The following XKR9 variants were observed in gnomAD, a reference collection of about 807,000 sequenced individuals.
XKR9 encodes XK-related protein 9.
In XKR9, 32 loss-of-function variants were observed where a neutral mutation model predicts 32.0. That is an observed-to-expected ratio of 1.00 (90% CI 0.76 to 1.34). XKR9 has a LOEUF of 1.34. Among genes scored for constraint, XKR9 ranks in the 40% most tolerant of loss-of-function variants. The probability of loss-of-function intolerance (pLI) is 0.00; values close to 1 mark genes in which losing one functional copy is unlikely to be tolerated. For missense variants in XKR9, 546 were observed against 429.7 expected, an observed-to-expected ratio of 1.27 and a Z score of -2.39; for synonymous variants, 168 against 143.4, an observed-to-expected ratio of 1.17 and a Z score of -1.22.
the XKR9 span, among the ~76,000 whole-genome samples, chr8:70,895,884 C>T: frequency 6.6e-6 from 1 of 151,628 alleles, no homozygotes; most frequent in East Asian, 1.9e-4. Context: ...TGTAATAGTC[C>T]CAACCACTGG....
chr8:70,996,390 G>A, the XKR9 span, among the ~76,000 whole-genome samples: 6 of 152,132 alleles, frequency 3.9e-5, no homozygotes. Context: ...TAGGTTTCAG[G>A]TGTGAAATGA....
At position 70,669,371 on chromosome 8, in the gene XKR9, G is replaced by A. The variant is rs1818611370; in HGVS notation, c.-528G>A. ...ACGTGACGCCGCGCGGGCTGCGCGG[G>A]CAGTGGTGGGAAGGCTGGCGCGAGG... is the stretch of plus-strand genomic sequence containing the variant. On this transcript the variant is annotated 5_prime_UTR_variant, in exon 1 of 5. Transcript: ENST00000408926. 4.1e-6 allele frequency: 2 copies of A among 483,776 alleles called. No individual in the cohort carries two copies. The highest frequency in any genetic ancestry group is 7.3e-6 in the Non-Finnish European group (2 of 272,362). The allele number at this position is 483,776 out of a possible 1,614,324, so 30.0% of individuals were successfully genotyped here.
chr8:70,697,212 A>T (rs1181738310), intron 3 of XKR9, among the ~76,000 whole-genome samples: 1 of 151,660 alleles, frequency 6.6e-6, no homozygotes, highest in Non-Finnish European at 1.5e-5. Flanking sequence ...CAGAACTTCC[A>T]ACACTATGTT....
At chr8:70,933,013 C>T in the XKR9 span, among the ~76,000 whole-genome samples, 1 of 152,050 alleles carries the variant, frequency 6.6e-6, no homozygotes, top group African/African-American at 2.4e-5. Flanking sequence ...AAGTGTGTCC[C>T]TCAAATGGGA....
chr8:70,966,298 G>T, the XKR9 span, among the ~76,000 whole-genome samples: 108 of 152,040 alleles, frequency 7.1e-4, no homozygotes, highest in Non-Finnish European at 8.5e-4. Context: ...ACCCAGGCTG[G>T]GGTTCAGTGG....
the XKR9 span, among the ~76,000 whole-genome samples, chr8:70,874,887 T>C: frequency 1.3e-5 from 2 of 152,180 alleles, no homozygotes; most frequent in South Asian, 4.1e-4. Context: ...GAGCATGCCT[T>C]TTTTCCCAAT....
At chr8:71,016,897 T>C in the XKR9 span, among the ~76,000 whole-genome samples, 1 of 152,136 alleles carries the variant, frequency 6.6e-6, no homozygotes, top group Non-Finnish European at 1.5e-5. Flanking sequence ...AAAATATGGA[T>C]GTAGATATAA....
chr8:70,884,181 C>T, the XKR9 span, among the ~76,000 whole-genome samples: 20 of 152,022 alleles, frequency 1.3e-4, no homozygotes, highest in African/African-American at 3.1e-4. Context: ...ATCTGTACAT[C>T]TTTGGTGATG....
the XKR9 span, among the ~76,000 whole-genome samples, chr8:70,960,577 T>C: frequency 3.3e-4 from 51 of 152,246 alleles, no homozygotes; most frequent in East Asian, 8.7e-3. Context: ...TATAGGATGT[T>C]GTCAAAAATA....
chr8:70,986,316 TC>T, the XKR9 span, among the ~76,000 whole-genome samples: 1 of 152,226 alleles, frequency 6.6e-6, no homozygotes, highest in Non-Finnish European at 1.5e-5. Context: ...ATTTTTATTT[TC>T]CTACTGTATT....
chr8:70,791,167 G>A (rs939812638), downstream of XKR9, among the ~76,000 whole-genome samples: 3 of 151,974 alleles, frequency 2.0e-5, no homozygotes, highest in East Asian at 1.9e-4. Context: ...GAATACTTCC[G>A]CACTTCTGAA....
chr8:70,724,192 GC>G lies in XKR9; in HGVS notation c.494-9602del, dbSNP rs369897193. Among the ~76,000 whole-genome samples, 784 of 152,238 alleles carry G rather than the reference GC, an allele frequency of 5.1e-3. 2 individuals carry two copies. Among genetic ancestry groups the G allele is most frequent in the Non-Finnish European group, 9.0e-3 (614 of 68,002 alleles). On this transcript the variant is annotated intron_variant, in intron 4 of 4. Coordinates refer to ENST00000408926, the MANE Select transcript of XKR9 (RefSeq NM_001011720.2). Reference sequence around the variant, plus strand: ...GCTTCCTCAACACTGTCAGGGGAAAGCCGCCTACTGAAGCCTCAGTAATGGC... The same window carrying G: ...GCTTCCTCAACACTGTCAGGGGAAAGCGCCTACTGAAGCCTCAGTAATGGC...
At chr8:70,957,289 T>C in the XKR9 span, among the ~76,000 whole-genome samples, 11 of 152,302 alleles carry the variant, frequency 7.2e-5, no homozygotes, top group South Asian at 2.3e-3. Context: ...TGTATCTTGG[T>C]TTCTTTAGTT....
At chr8:71,038,078 T>C in the XKR9 span, among the ~76,000 whole-genome samples, 3 of 152,230 alleles carry the variant, frequency 2.0e-5, no homozygotes, top group South Asian at 6.2e-4. Flanking sequence ...AAGTGAGTAA[T>C]TTTTAAAGGG....
At chr8:70,739,501 C>T (rs555911526), downstream of XKR9, among the ~76,000 whole-genome samples, 5 of 152,118 alleles carry the variant, frequency 3.3e-5, no homozygotes, top group East Asian at 5.8e-4. Flanking sequence ...CGAATTTGAT[C>T]CTGTCATTAT....
At chr8:70,960,171 G>A in the XKR9 span, among the ~76,000 whole-genome samples, 1 of 152,024 alleles carries the variant, frequency 6.6e-6, no homozygotes, top group Admixed American at 6.6e-5. Flanking sequence ...CTTGAACCTG[G>A]GAGGCGGAGG....
At chr8:70,967,011 G>T in the XKR9 span, among the ~76,000 whole-genome samples, 5 of 149,068 alleles carry the variant, frequency 3.4e-5, no homozygotes, top group South Asian at 1.0e-3. Context: ...GTGTATGTGT[G>T]TCTTTGCACA....
At chr8:70,826,460 G>GT in the XKR9 span, among the ~76,000 whole-genome samples, 3 of 98,358 alleles carry the variant, frequency 3.1e-5, no homozygotes, top group East Asian at 5.9e-4. Context: ...GAAGACATCA[G>GT]TTTAATTAAA....
the XKR9 span, among the ~76,000 whole-genome samples, chr8:70,998,205 G>A: frequency 9.2e-5 from 14 of 152,014 alleles, no homozygotes; most frequent in East Asian, 3.8e-4. Flanking sequence ...TTTATCACCC[G>A]GTATATTTCT....
Sources: gnomAD v4.1 joint callset for allele counts (sites outside exome capture counted in the v4.1 genomes callset) on GRCh38, gnomAD v4.1.1 for gene constraint, MANE v1.5 for transcripts, NCBI Gene and HGNC (gene_info 2026-07-23, HGNC 2026-07-21) for gene names.